Variants in ENOSF1 observed in about 807,000 individuals in gnomAD.
ENOSF1 encodes mitochondrial enolase superfamily member 1.
In ENOSF1, 73 loss-of-function variants were observed where a neutral mutation model predicts 68.2. The observed-to-expected ratio is 1.07, with a 90% CI of 0.89 to 1.30. The LOEUF is 1.30. Among genes scored for constraint, ENOSF1 ranks in the 50% most tolerant of loss-of-function variants. The pLI is 0.00. For missense variants in ENOSF1, 589 were observed against 554.5 expected, an observed-to-expected ratio of 1.06 and a Z score of -0.62; for synonymous variants, 223 against 210.4, an observed-to-expected ratio of 1.06 and a Z score of -0.52.
chr18:667,292 A>G (rs111211210), downstream of ENOSF1, among the ~76,000 whole-genome samples: 2 of 17,462 alleles, frequency 1.1e-4, no homozygotes, highest in Non-Finnish European at 1.8e-4. Context: ...ATGGTGATGG[A>G]GATGGTGATG....
chr18:698,045 T>C (rs2077933377), intron 2 of ENOSF1, among the ~76,000 whole-genome samples: 1 of 152,170 alleles, frequency 6.6e-6, no homozygotes, highest in Admixed American at 6.5e-5. Context: ...CCACCCGCCT[T>C]GGCCTCCCAA....
chr18:707,414 G>C (rs1168070456), intron 1 of ENOSF1, among the ~76,000 whole-genome samples: 1 of 152,196 alleles, frequency 6.6e-6, no homozygotes, highest in African/African-American at 2.4e-5. Context: ...GCTTCAAATT[G>C]AACAAGCCAA....
intron 10 of ENOSF1, among the ~76,000 whole-genome samples, chr18:683,685 CA>C (rs1247050764): frequency 6.6e-6 from 1 of 152,102 alleles, no homozygotes; most frequent in Non-Finnish European, 1.5e-5. Flanking sequence ...GGCTCTGGTC[CA>C]ATCTCCATCT....
intron 10 of ENOSF1, among the ~76,000 whole-genome samples, chr18:684,769 G>A (rs960959792): frequency 1.3e-5 from 2 of 152,062 alleles, no homozygotes; most frequent in African/African-American, 2.4e-5. Flanking sequence ...ATCTTATTGT[G>A]CTTGGAGAAA....
chr18:678,322 T>C, intron 12 of ENOSF1: 2 of 324,550 alleles, frequency 6.2e-6, no homozygotes, highest in Non-Finnish European at 1.1e-5. Context: ...CAGCAGGTTT[T>C]GGCAGGCACT....
chr18:697,625 C>A (rs2077881916), intron 2 of ENOSF1, among the ~76,000 whole-genome samples: 1 of 152,058 alleles, frequency 6.6e-6, no homozygotes, highest in African/African-American at 2.4e-5. Flanking sequence ...GTGGTGCGCA[C>A]CTGTAATCCC....
At chr18:701,521 AAGGCG>A in intron 2 of ENOSF1, among the ~76,000 whole-genome samples, 1 of 152,022 alleles carries the variant, frequency 6.6e-6, no homozygotes, top group Non-Finnish European at 1.5e-5. Context: ...TTGGGAGGTC[AAGGCG>A]GGTGGATCAC....
chr18:690,740 C>T, intron 7 of ENOSF1, 109 bp from the exon 8 acceptor site: 1 of 1,209,496 alleles, frequency 8.3e-7, no homozygotes, highest in Non-Finnish European at 1.1e-6. Context: ...TTCTCCTGAT[C>T]CGGCCCTGCA....
intron 2 of ENOSF1, among the ~76,000 whole-genome samples, chr18:704,440 G>GGAAAA (rs1555671901): frequency 3.1e-5 from 3 of 97,240 alleles, no homozygotes; most frequent in Non-Finnish European, 5.9e-5. Flanking sequence ...AAAAAGAAAA[G>GGAAAA]AAAAAAAAAA....
chr18:672,194 T>TGTAA lies in ENOSF1; in HGVS notation c.*2107_*2110dup, dbSNP rs1408872215. 1.3e-5 allele frequency: 2 copies of TGTAA among 152,236 alleles called. No individual in the cohort carries two copies. Among genetic ancestry groups the TGTAA allele is most frequent in the Non-Finnish European group, 2.9e-5 (2 of 68,050 alleles). 9.4% of individuals were successfully genotyped at this position (152,236 alleles called of 1,614,324 possible). ...AATTGATATGAAATGGCAATAAAAATGTAAGTTCATCTGCTTCATGAGCCT... is the reference window on the plus strand; with the variant it reads ...AATTGATATGAAATGGCAATAAAAATGTAAGTAAGTTCATCTGCTTCATGAGCCT... On this transcript the variant is annotated 3_prime_UTR_variant, in exon 16 of 16. Coordinates refer to ENST00000647584, the MANE Select transcript of ENOSF1 (RefSeq NM_017512.7).
chr18:700,890 CAA>C (rs71174273), intron 2 of ENOSF1, among the ~76,000 whole-genome samples: 1,038 of 64,858 alleles, frequency 0.016, 3 homozygotes, highest in African/African-American at 0.055. Flanking sequence ...AACTCTGCCT[CAA>C]AAAAAAAAAA....
At chr18:705,151 T>A (rs556546308) in intron 2 of ENOSF1, among the ~76,000 whole-genome samples, 9 of 152,334 alleles carry the variant, frequency 5.9e-5, no homozygotes, top group African/African-American at 2.2e-4. Context: ...GGCCAAGATT[T>A]TTTTCTACAA....
At chr18:693,976 C>A (rs550840355) in intron 4 of ENOSF1, 68 bp from the exon 5 acceptor site, 1 of 1,511,416 alleles carries the variant, frequency 6.6e-7, no homozygotes, top group Non-Finnish European at 8.9e-7. Flanking sequence ...TGACAGTAAA[C>A]GCGTTGGCAG....
At chr18:693,275 C>T in intron 5 of ENOSF1, 3 of 1,280,340 alleles carry the variant, frequency 2.3e-6, no homozygotes, top group South Asian at 2.5e-5. Context: ...GTAGAGGCTA[C>T]AATGGCCTGA....
At chr18:711,930 G>A (rs2079596809) in intron 1 of ENOSF1, among the ~76,000 whole-genome samples, 2 of 152,128 alleles carry the variant, frequency 1.3e-5, no homozygotes, top group Non-Finnish European at 2.9e-5. Flanking sequence ...AAGTCACACA[G>A]CAAGTTGTGG....
At chr18:669,472 G>A (rs573502272), downstream of ENOSF1, 116 of 226,686 alleles carry the variant, frequency 5.1e-4, no homozygotes, top group Middle Eastern at 3.4e-3. Context: ...TCCTGGGTTC[G>A]AGTGATTCTC....
chr18:667,640 C>G (rs972937721), downstream of ENOSF1: 5 of 151,664 alleles, frequency 3.3e-5, no homozygotes, highest in Admixed American at 3.3e-4. Context: ...GGTTGCCTAA[C>G]ATCAGGAACG....
intron 8 of ENOSF1, among the ~76,000 whole-genome samples, 191 bp downstream of exon 8, chr18:690,358 G>C (rs1445045600): frequency 6.6e-6 from 1 of 152,192 alleles, no homozygotes; most frequent in Non-Finnish European, 1.5e-5. Flanking sequence ...TGTGCTGTCA[G>C]AATTGAGTAA....
At chr18:685,354 T>C (rs1051943246) in intron 10 of ENOSF1, among the ~76,000 whole-genome samples, 2 of 151,090 alleles carry the variant, frequency 1.3e-5, no homozygotes, top group Non-Finnish European at 3.0e-5. Flanking sequence ...GATGACTTCA[T>C]TAAAAAAAAA....
Sources: allele counts gnomAD v4.1 joint callset (sites outside exome capture counted in the v4.1 genomes callset), GRCh38; gene constraint gnomAD v4.1.1; transcripts MANE v1.5; gene names NCBI Gene and HGNC (gene_info 2026-07-23, HGNC 2026-07-21).